MYOM1: variants seen among roughly 807,000 people sequenced by gnomAD.
The protein encoded by MYOM1 is myomesin 1.
MYOM1 carries 164 observed loss-of-function variants against 205.3 expected under a neutral mutation model. The observed-to-expected ratio is 0.80, with a 90% confidence interval of 0.70 to 0.91. The LOEUF is 0.91. Among genes scored for constraint, MYOM1 ranks in the 40% least tolerant of loss-of-function variants. The probability of loss-of-function intolerance (pLI) is 0.00; values close to 1 mark genes in which losing one functional copy is unlikely to be tolerated. For synonymous variants in MYOM1, 772 were observed against 789.4 expected, an observed-to-expected ratio of 0.98 and a Z score of 0.37; for missense variants, 2,011 against 2,127.3, an observed-to-expected ratio of 0.95 and a Z score of 1.08.
intron 20 of MYOM1, among the ~76,000 whole-genome samples, chr18:3,118,439 G>A (rs2079637071): frequency 6.6e-6 from 1 of 152,070 alleles, no homozygotes; most frequent in Admixed American, 6.5e-5. Flanking sequence ...TTGACCTCGT[G>A]AGCTCAAGCA....
chr18:3,164,159 A>G (rs1254430871), intron 10 of MYOM1, 119 bp downstream of exon 10: 34 of 1,163,782 alleles, frequency 2.9e-5, no homozygotes, highest in Non-Finnish European at 3.5e-5. Context: ...ACCCTGCCAG[A>G]ATTTTGAAAT....
At chr18:3,190,597 T>C (rs916962779) in intron 3 of MYOM1, 4 of 152,200 alleles carry the variant, frequency 2.6e-5, no homozygotes, top group African/African-American at 9.7e-5. Context: ...AATATGTCCA[T>C]TATTATTTGG....
chr18:3,191,907 A>G (rs796856194), intron 3 of MYOM1, among the ~76,000 whole-genome samples: 19 of 152,198 alleles, frequency 1.2e-4, no homozygotes, highest in African/African-American at 3.9e-4. Context: ...CGTGTTAGCC[A>G]GGATGGTCTC....
chr18:3,075,570 G>C (rs191416062), intron 35 of MYOM1, 94 bp from the exon 36 acceptor site: 1 of 1,465,930 alleles, frequency 6.8e-7, no homozygotes, highest in Admixed American at 1.7e-5. Context: ...TTGCCTCAGA[G>C]ACATTTTGCT....
intron 33 of MYOM1, among the ~76,000 whole-genome samples, chr18:3,081,391 C>T (rs7245151): frequency 0.18 from 27,660 of 151,920 alleles, 3,824 homozygotes; most frequent in African/African-American, 0.39. Context: ...GGGTTTTTTT[C>T]CCCTCTATGC....
intron 23 of MYOM1, among the ~76,000 whole-genome samples, chr18:3,102,050 G>A (rs1432165314): frequency 1.4e-5 from 2 of 141,314 alleles, no homozygotes; most frequent in Admixed American, 7.7e-5. Flanking sequence ...TGCCCAGGCT[G>A]GAGTGCAGTG....
intron 5 of MYOM1, among the ~76,000 whole-genome samples, chr18:3,186,788 GAGAAAGAAAGAAAGAGAA>G (rs1315256377): frequency 2.9e-5 from 3 of 105,056 alleles, no homozygotes; most frequent in African/African-American, 1.3e-4. Context: ...GAAGGAGAGA[GAGAAAGAAAGAAAGAGAA>G]AGAAAGAAAG....
At chr18:3,174,846 C>T (rs564899091) in intron 6 of MYOM1, among the ~76,000 whole-genome samples, 1 of 152,292 alleles carries the variant, frequency 6.6e-6, no homozygotes, top group East Asian at 1.9e-4. Flanking sequence ...CAGCTCACAG[C>T]ACACAAGAAG....
At chr18:3,110,235 G>A (rs1174124091) in intron 22 of MYOM1, among the ~76,000 whole-genome samples, 5 of 151,876 alleles carry the variant, frequency 3.3e-5, no homozygotes, top group Admixed American at 2.6e-4. Flanking sequence ...GGGGGTGTGC[G>A]TGTGTGTGTG....
At chr18:3,199,559 C>T (rs2081039265) in intron 2 of MYOM1, among the ~76,000 whole-genome samples, 1 of 151,878 alleles carries the variant, frequency 6.6e-6, no homozygotes, top group Non-Finnish European at 1.5e-5. Context: ...ACCTGCACAC[C>T]GGCTGGGCAC....
chr18:3,123,637 G>T lies in MYOM1; in HGVS notation c.2991+3064C>A, dbSNP rs896512808. Among the ~76,000 whole-genome samples the T allele has an allele frequency of 4.7e-5, 7 of 148,858 alleles. No homozygotes were observed. In the East Asian group the frequency reaches 1.4e-3, roughly 29 times the overall value. On this transcript the variant is annotated intron_variant, in intron 19 of 37. Transcript: ENST00000356443. ...TGGGTTGAATGTAAGTTTTTTTATTGTTGTTTTCTTTTGTTTTGTCTTACT... is the reference window on the plus strand; with the variant it reads ...TGGGTTGAATGTAAGTTTTTTTATTTTTGTTTTCTTTTGTTTTGTCTTACT...
Position 3,193,826 on chromosome 18 carries a change from G to C in MYOM1, c.423C>G (p.Phe141Leu). 1 of 1,612,494 alleles carries C rather than the reference G, an allele frequency of 6.2e-7. No homozygotes were observed. The highest frequency in any genetic ancestry group is 8.5e-7 in the Non-Finnish European group (1 of 1,179,324). ...NLPSDYMVPI[F>L]SGRQKHVSGI... ...AGAAAAAGCACACTCACCGTCCTGA[G>C]AAAATGGGTACCATGTAGTCACTGG... Residue 141 changes from phenylalanine to leucine, a missense_variant, in exon 3 of 38, where the codon TTC (phenylalanine) becomes TTG (leucine). Transcript: ENST00000356443.
chr18:3,191,820 C>T (rs563248312), intron 3 of MYOM1, among the ~76,000 whole-genome samples: 103 of 152,000 alleles, frequency 6.8e-4, no homozygotes, highest in African/African-American at 2.2e-3. Flanking sequence ...CTCAGCCTCC[C>T]GAGTAGCTGG....
At chr18:3,216,300 TAAACA>T (rs985034594) in intron 1 of MYOM1, among the ~76,000 whole-genome samples, 3 of 152,050 alleles carry the variant, frequency 2.0e-5, no homozygotes, top group African/African-American at 7.2e-5. Context: ...AATACAGTGG[TAAACA>T]AAACAGACAA....
intron 16 of MYOM1, among the ~76,000 whole-genome samples, chr18:3,133,897 C>G (rs551358200): frequency 1.3e-5 from 2 of 152,178 alleles, no homozygotes; most frequent in African/African-American, 4.8e-5. Flanking sequence ...GGGTCTTGCT[C>G]TGTTGCCCAG....
chr18:3,172,544 C>T (rs2080575368), intron 8 of MYOM1, among the ~76,000 whole-genome samples: 1 of 152,072 alleles, frequency 6.6e-6, no homozygotes, highest in East Asian at 1.9e-4. Flanking sequence ...GAGTCTCACT[C>T]TGTTGCCCAG....
intron 20 of MYOM1, among the ~76,000 whole-genome samples, chr18:3,117,147 A>G (rs2079618525): frequency 1.3e-5 from 2 of 152,214 alleles, no homozygotes; most frequent in African/African-American, 2.4e-5. Flanking sequence ...GGGAGCCACC[A>G]TATCTGGCAC....
chr18:3,098,840 G>A (rs2079340497), intron 25 of MYOM1, among the ~76,000 whole-genome samples: 1 of 152,172 alleles, frequency 6.6e-6, no homozygotes, highest in Non-Finnish European at 1.5e-5. Context: ...ATGAGAAATG[G>A]CTTGCCTAAT....
intron 2 of MYOM1, among the ~76,000 whole-genome samples, chr18:3,211,493 T>C (rs563764190): frequency 1.3e-5 from 2 of 152,238 alleles, no homozygotes; most frequent in Non-Finnish European, 2.9e-5. Flanking sequence ...AAACCATTCA[T>C]GGACAGAGGT....
Sources: allele counts gnomAD v4.1 joint callset (sites outside exome capture counted in the v4.1 genomes callset), GRCh38; gene constraint gnomAD v4.1.1; transcripts MANE v1.5; gene names NCBI Gene and HGNC (gene_info 2026-07-23, HGNC 2026-07-21).